SLC7A13: variants seen among roughly 807,000 people sequenced by gnomAD.
SLC7A13 encodes X-amino acid transporter 2.
Under a neutral mutation model 32.0 loss-of-function variants are expected in SLC7A13, and 31 were observed. The ratio of observed to expected loss-of-function variants is 0.97; its 90% CI spans 0.73 to 1.31. The LOEUF (loss-of-function observed/expected upper bound fraction) is 1.31. Ranked by LOEUF, SLC7A13 falls within the 50% of genes most tolerant of loss-of-function variation. The pLI, the probability that SLC7A13 is intolerant of heterozygous loss-of-function variation, is 0.00. For missense variants in SLC7A13, 633 were observed against 546.9 expected, an observed-to-expected ratio of 1.16 and a Z score of -1.57; for synonymous variants, 232 against 206.9, an observed-to-expected ratio of 1.12 and a Z score of -1.04.
chr8:86,229,932 C>A lies in SLC7A13; in HGVS notation c.346G>T (p.Ala116Ser), dbSNP rs1820454993. Residue 116 changes from alanine (A) to serine (S), a missense_variant, in exon 1 of 4, where the codon GCT becomes TCT. Ala to Ser is a moderately conservative substitution (Grantham distance 99). Transcript: ENST00000297524. ...GVVAGQALLL[A>S]EYSIQPFFPS... The stretch of plus-strand genomic sequence containing the variant: ...AAAAAAGGCTGGATGCTGTACTCAG[C>A]AAGGAGCAGAGCTTGGCCAGCAACT... The A allele has an allele frequency of 6.2e-7, 1 of 1,614,158 alleles. No individual in the cohort carries two copies. Among genetic ancestry groups the A allele is most frequent in the African/African-American group, 1.3e-5 (1 of 75,050 alleles).
In SLC7A13 at chr8:86,230,279, G is replaced by A. The variant is rs1395861577; in HGVS notation, c.-2C>T. 9.7e-6 allele frequency: 15 copies of A among 1,542,934 alleles called. No individual in the cohort carries two copies. The highest frequency in any genetic ancestry group is 1.2e-5 in the Non-Finnish European group (14 of 1,148,230). Reference sequence around the variant, plus strand: ...CTGTATTTTCTCCCCTCTATCCATTGTAATTGAAGAGTTTTAAAATTCTAT... The same window carrying A: ...CTGTATTTTCTCCCCTCTATCCATTATAATTGAAGAGTTTTAAAATTCTAT... On this transcript the variant is annotated 5_prime_UTR_variant, in exon 1 of 4. Coordinates refer to ENST00000297524, the MANE Select transcript of SLC7A13 (RefSeq NM_138817.3).
At position 86,214,519 on chromosome 8, in the gene SLC7A13, TAA is replaced by T. The variant is rs1206125367; in HGVS notation, c.1305_1306del (p.Phe435LeufsTer8). The T allele has an allele frequency of 6.2e-7, 1 of 1,613,008 alleles. No homozygotes were observed. The highest frequency in any genetic ancestry group is 1.1e-5 in the South Asian group (1 of 91,058). The stretch of plus-strand genomic sequence containing the variant: ...TATTTTAAAATGTATTAAAGGTATG[TAA>T]AATAGTAATCCGCTGAGAACTAACA... On this transcript the variant is annotated frameshift_variant, in exon 4 of 4. Transcript: ENST00000297524. LOFTEE classifies it low-confidence loss of function (END_TRUNC).
At chr8:86,228,307 G>C (rs187736725) in intron 1 of SLC7A13, among the ~76,000 whole-genome samples, 324 of 152,278 alleles carry the variant, frequency 2.1e-3, no homozygotes, top group Non-Finnish European at 3.7e-3. Context: ...GGGAAAGGAA[G>C]TGAGCCTCTT....
chr8:86,221,352 A>T, intron 2 of SLC7A13, among the ~76,000 whole-genome samples: 1 of 152,188 alleles, frequency 6.6e-6, no homozygotes, highest in Non-Finnish European at 1.5e-5. Flanking sequence ...TCATACATAA[A>T]GCTATGATTA....
At chr8:86,215,745 G>A (rs183718782) in intron 3 of SLC7A13, 51 of 399,110 alleles carry the variant, frequency 1.3e-4, no homozygotes, top group African/African-American at 1.1e-3. Flanking sequence ...AAGCGTCCCA[G>A]AAAAAGATAC....
chr8:86,214,182 C>G lies in SLC7A13; in HGVS notation c.*231G>C, dbSNP rs563615011. On this transcript the variant is annotated 3_prime_UTR_variant, in exon 4 of 4. Coordinates refer to ENST00000297524, the MANE Select transcript of SLC7A13 (RefSeq NM_138817.3). Reference sequence around the variant, plus strand: ...AATCACTCTATCAAGCTACGCAAACCAGGACTTAAGTTTTTTACCATGCGA... The same window carrying G: ...AATCACTCTATCAAGCTACGCAAACGAGGACTTAAGTTTTTTACCATGCGA... 8.2e-6 allele frequency: 3 copies of G among 364,600 alleles called. No individual in the cohort carries two copies. In the East Asian group the frequency reaches 1.3e-4, roughly 16 times the overall value. The allele number at this position is 364,600 out of a possible 1,614,324, so 22.6% of individuals were successfully genotyped here. A position where few individuals can be genotyped will look rare whatever the true frequency, so the allele number is the denominator to read the frequency against.
chr8:86,227,792 T>C (rs1820413583), intron 1 of SLC7A13, among the ~76,000 whole-genome samples: 2 of 152,160 alleles, frequency 1.3e-5, no homozygotes, highest in African/African-American at 4.8e-5. Context: ...TCCAGCAATG[T>C]GGATGCAACT....
intron 1 of SLC7A13, among the ~76,000 whole-genome samples, chr8:86,227,954 G>A (rs1379434421): frequency 6.6e-6 from 1 of 152,084 alleles, no homozygotes; most frequent in Non-Finnish European, 1.5e-5. Flanking sequence ...AGTGGGTGGG[G>A]GGTAAGGGTT....
intron 3 of SLC7A13, among the ~76,000 whole-genome samples, chr8:86,216,590 A>T (rs73691748): frequency 1.6e-4 from 25 of 152,178 alleles, no homozygotes; most frequent in Non-Finnish European, 3.4e-4. Flanking sequence ...ACATAAATCA[A>T]CCATAGTTGG....
intron 1 of SLC7A13, among the ~76,000 whole-genome samples, chr8:86,229,090 G>C (rs16901020): frequency 0.13 from 19,336 of 152,088 alleles, 1,689 homozygotes; most frequent in East Asian, 0.33. Context: ...CGTGAAAATG[G>C]TCAAGTGCAA....
chr8:86,215,655 C>T (rs1820169337), intron 3 of SLC7A13: 1 of 444,596 alleles, frequency 2.2e-6, no homozygotes, highest in African/African-American at 2.0e-5. Flanking sequence ...CACTGCACTC[C>T]AGCTTCTCCA....
At position 86,217,689 on chromosome 8, in the gene SLC7A13, C is replaced by T. The variant is rs527670230; in HGVS notation, c.960G>A (p.Glu320=). The T allele has an allele frequency of 5.6e-6, 9 of 1,613,456 alleles. No homozygotes were observed. The highest frequency in any genetic ancestry group is 5.3e-5 in the African/African-American group (4 of 74,954). The change falls in exon 3 of 4, where the codon GAG becomes GAA. Residue 320 remains glutamate, a synonymous_variant. Transcript: ENST00000297524. ...TATTAAATAGCAAAGGCAGCTGGCCCTCTTGGCTTGCAAGATATATTGGTC... is the reference window on the plus strand; with the variant it reads ...TATTAAATAGCAAAGGCAGCTGGCCTTCTTGGCTTGCAAGATATATTGGTC... ...SSRPIYLASQ[E]GQLPLLFNTL...
At chr8:86,218,375 C>A (rs1299750655) in intron 2 of SLC7A13, among the ~76,000 whole-genome samples, 3 of 152,082 alleles carry the variant, frequency 2.0e-5, no homozygotes, top group African/African-American at 7.2e-5. Context: ...AAGTTACACA[C>A]CATTAAAAAT....
chr8:86,219,132 T>G (rs1303979799), intron 2 of SLC7A13, among the ~76,000 whole-genome samples: 1 of 152,190 alleles, frequency 6.6e-6, no homozygotes, highest in Admixed American at 6.6e-5. Context: ...AAAAATATCT[T>G]GTCTCATTTA....
Position 86,230,265 on chromosome 8 carries a change from C to T in SLC7A13, c.13G>A (p.Glu5Lys). The stretch of plus-strand genomic sequence containing the variant: ...AACACTCTCTTGAGCTGTATTTTCT[C>T]CCCTCTATCCATTGTAATTGAAGAG... MDRG[E>K]KIQLKRVFGY... is the part of the protein sequence containing the mutation. Residue 5 changes from glutamate (E) to lysine (K), a missense_variant, in exon 1 of 4, where the codon GAG becomes AAG. By Grantham distance (56) the Glu-to-Lys change is moderately conservative (BLOSUM62 1). Coordinates refer to ENST00000297524, the MANE Select transcript of SLC7A13 (RefSeq NM_138817.3). 6.4e-7 allele frequency: 1 copy of T among 1,568,474 alleles called. No individual in the cohort carries two copies. The highest frequency in any genetic ancestry group is 8.6e-7 in the Non-Finnish European group (1 of 1,160,640).
At chr8:86,222,891 C>G (rs1466310446) in intron 2 of SLC7A13, 81 bp downstream of exon 2, 10 of 1,330,088 alleles carry the variant, frequency 7.5e-6, no homozygotes, top group African/African-American at 3.0e-5. Context: ...GAACAGTAAA[C>G]AGTGGTTCTG....
At chr8:86,225,631 G>T (rs541667664) in intron 1 of SLC7A13, among the ~76,000 whole-genome samples, 21 of 152,216 alleles carry the variant, frequency 1.4e-4, no homozygotes, top group Middle Eastern at 3.4e-3. Flanking sequence ...CTTAAAAGAT[G>T]GGTATTCCGG....
In SLC7A13 at chr8:86,230,367, A is replaced by G; in HGVS notation, c.-90T>C. On this transcript the variant is annotated 5_prime_UTR_variant, in exon 1 of 4. Coordinates refer to ENST00000297524, the MANE Select transcript of SLC7A13 (RefSeq NM_138817.3). ...TGCAAAGGATGTTGATGGATTCCTG[A>G]AATAAAATAATTCTGTCCTTCCTGT... 1 of 1,181,788 alleles carries G rather than the reference A, an allele frequency of 8.5e-7. No homozygotes were observed. The highest frequency in any genetic ancestry group is 1.2e-6 in the Non-Finnish European group (1 of 863,952). 73.2% of individuals were successfully genotyped at this position (1,181,788 alleles called of 1,614,324 possible).
At chr8:86,215,409 C>T (rs1159936959) in intron 3 of SLC7A13, among the ~76,000 whole-genome samples, 10 of 151,882 alleles carry the variant, frequency 6.6e-5, no homozygotes, top group African/African-American at 2.4e-4. Flanking sequence ...TCTTCTTGGC[C>T]GGGCACAGTT....
Sources: allele counts gnomAD v4.1 joint callset (sites outside exome capture counted in the v4.1 genomes callset), GRCh38; gene constraint gnomAD v4.1.1; transcripts MANE v1.5; gene names NCBI Gene and HGNC (gene_info 2026-07-23, HGNC 2026-07-21).